Variants in RUSC1 observed in about 807,000 individuals in gnomAD.
The protein encoded by RUSC1 is RUN and SH3 domain containing 1.
A neutral mutation model predicts 72.1 loss-of-function variants in RUSC1; 40 were observed. That is an observed-to-expected ratio of 0.55 (90% confidence interval 0.43 to 0.72). RUSC1 has a LOEUF of 0.72. Among genes scored for constraint, RUSC1 ranks in the 30% least tolerant of loss-of-function variants. The pLI is 0.00. For missense variants in RUSC1, 1,092 were observed against 1,172.3 expected (o/e 0.93, Z 1.00); for synonymous variants, 512 against 494.2 (o/e 1.04, Z -0.48).
In RUSC1 at chr1:155,322,675, G is replaced by GCCA; in HGVS notation, c.902_903insCCA (p.Ser301_Asp302insHis). 6.2e-7 allele frequency: 1 copy of GCCA among 1,614,270 alleles called. No individual in the cohort carries two copies. Among genetic ancestry groups the GCCA allele is most frequent in the Non-Finnish European group, 8.5e-7 (1 of 1,180,040 alleles). On this transcript the variant is annotated inframe_insertion, in exon 2 of 10. Coordinates refer to ENST00000368352, the MANE Select transcript of RUSC1 (RefSeq NM_001105203.2). The stretch of plus-strand genomic sequence containing the variant: ...GGGAAAATTGATGGAGGATGGAGAA[G>GCCA]TGACGTCAGCGAGGAGCCGGTGCCC...
At chr1:155,323,649 C>G (rs913209755) in intron 2 of RUSC1, 1 of 152,920 alleles carries the variant, frequency 6.5e-6, no homozygotes, top group Non-Finnish European at 1.5e-5. Flanking sequence ...GCCTGGCCAG[C>G]CCCGAGCTGG....
rs889624500 is a variant in RUSC1 at position 155,325,042 on chromosome 1, T to A, written c.1457-60T>A. 14 of 1,613,780 alleles carry A rather than the reference T, an allele frequency of 8.7e-6. No individual in the cohort carries two copies. Among genetic ancestry groups the A allele is most frequent in the African/African-American group, 4.0e-5 (3 of 74,856 alleles). On this transcript the variant is annotated intron_variant, in intron 3 of 9. Transcript: ENST00000368352. This position sits in a 1 kb window ranked among gnomAD's most constrained non-coding sequence, Gnocchi z 6.5. ...TCCGAAGGCAGTCTCTCCACGCCCC[T>A]CGGGCAAGCCTGGGTAGGGGCGCGG...
chr1:155,326,692 T>C lies in RUSC1; in HGVS notation c.1974T>C (p.Thr658=). The change falls in exon 8 of 10, where the codon ACT becomes ACC. Residue 658 remains threonine (T), a synonymous_variant. Transcript: ENST00000368352. This position sits in a 1 kb window ranked among gnomAD's most constrained non-coding sequence, Gnocchi z 4.7. ...LLLLQPLSVL[T]FHLDLLFEHH... is the part of the protein sequence containing the mutation. ...TGCTGCAGCCATTGTCGGTGCTCACTTTCCACCTGGACCTGCTCTTTGAGC... is the reference window on the plus strand; with the variant it reads ...TGCTGCAGCCATTGTCGGTGCTCACCTTCCACCTGGACCTGCTCTTTGAGC... The C allele has an allele frequency of 6.2e-7, 1 of 1,613,714 alleles. No homozygotes were observed.
At position 155,322,278 on chromosome 1, in the gene RUSC1, G is replaced by A. The variant is rs951552536; in HGVS notation, c.505G>A (p.Gly169Arg). The A allele has an allele frequency of 5.0e-6, 8 of 1,611,756 alleles. No individual in the cohort carries two copies. The highest frequency in any genetic ancestry group is 1.6e-4 in the Middle Eastern group (1 of 6,080). Residue 169 changes from glycine to arginine, a missense_variant, in exon 2 of 10, where the codon GGA becomes AGA. Coordinates refer to ENST00000368352, the MANE Select transcript of RUSC1 (RefSeq NM_001105203.2). The part of the protein sequence containing the change: ...SFCCSPDSCS[G>R]ASSSPDPGLD... The stretch of plus-strand genomic sequence containing the variant: ...CTGCTGCTCTCCTGATTCCTGCTCC[G>A]GAGCTTCTTCTTCACCCGATCCTGG...
At chr1:155,328,661 A>G (rs1651680545) in intron 9 of RUSC1, among the ~76,000 whole-genome samples, 1 of 151,762 alleles carries the variant, frequency 6.6e-6, no homozygotes, top group South Asian at 2.1e-4. Flanking sequence ...GTACAGTGGC[A>G]TGATCTCGGC....
intron 2 of RUSC1, chr1:155,324,439 G>C: frequency 6.2e-7 from 1 of 1,612,972 alleles, no homozygotes; most frequent in South Asian, 1.1e-5. Flanking sequence ...GTGCTCCCCG[G>C]GGCTCCGCAG....
Position 155,325,014 on chromosome 1 carries a change from C to T in RUSC1, c.1456+71C>T, listed in dbSNP as rs1651163336. The T allele has an allele frequency of 6.2e-7, 1 of 1,613,544 alleles. No individual in the cohort carries two copies. The highest frequency in any genetic ancestry group is 1.3e-5 in the African/African-American group (1 of 74,930). On this transcript the variant is annotated intron_variant, in intron 3 of 9. Transcript: ENST00000368352. The surrounding 1 kb of genome is among the most constrained non-coding windows in gnomAD (Gnocchi z 6.5). Reference sequence around the variant, plus strand: ...CTTCGCCCCCGGCCCTGCTCTCAGGCTGTCCGAAGGCAGTCTCTCCACGCC... The same window carrying T: ...CTTCGCCCCCGGCCCTGCTCTCAGGTTGTCCGAAGGCAGTCTCTCCACGCC...
Position 155,330,700 on chromosome 1 carries a change from A to C in RUSC1, c.*129A>C. On this transcript the variant is annotated 3_prime_UTR_variant, in exon 10 of 10. Transcript: ENST00000368352. The stretch of plus-strand genomic sequence containing the variant: ...TCTTCCCACGTCTGTTTCTGCTAAT[A>C]TTTAAAATAAACTTTCCTTCTTCCC... 1.1e-6 allele frequency: 1 copy of C among 916,254 alleles called. No homozygotes were observed. The highest frequency in any genetic ancestry group is 1.7e-5 in the African/African-American group (1 of 58,630). 56.8% of individuals were successfully genotyped at this position (916,254 alleles called of 1,614,324 possible). A position where few individuals can be genotyped will look rare whatever the true frequency, so the allele number is the denominator to read the frequency against.
Position 155,325,618 on chromosome 1 carries a change from C to A in RUSC1, c.1760C>A (p.Ala587Asp), listed in dbSNP as rs1255939805. The A allele has an allele frequency of 6.2e-7, 1 of 1,613,136 alleles. No individual in the cohort carries two copies. Among genetic ancestry groups the A allele is most frequent in the Non-Finnish European group, 8.5e-7 (1 of 1,179,998 alleles). ...GTLYSQVSRL[A>D]PLSSSRSRFH... Reference sequence around the variant, plus strand: ...CTGTATAGCCAGGTCAGCCGTCTAGCCCCGCTGAGCAGCAGCCGTAGCCGC... The same window carrying A: ...CTGTATAGCCAGGTCAGCCGTCTAGACCCGCTGAGCAGCAGCCGTAGCCGC... The change falls in exon 6 of 10, where the codon GCC becomes GAC. Residue 587 changes from alanine (A) to aspartate (D), a missense_variant. Physicochemically the swap from Ala to Asp is moderately radical, Grantham distance 126. Transcript: ENST00000368352. This position sits in a 1 kb window ranked among gnomAD's most constrained non-coding sequence, Gnocchi z 6.5.
chr1:155,321,647 C>A, intron 1 of RUSC1, 41 bp from the exon 2 acceptor site: 1 of 1,363,080 alleles, frequency 7.3e-7, no homozygotes, highest in Non-Finnish European at 1.0e-6. Context: ...CCCCGCAGCT[C>A]TTGTCCTCAC....
chr1:155,330,643 C>A lies in RUSC1; in HGVS notation c.*72C>A. ...AATGGAATGGCCAGTGAACACCATC[C>A]CAGAAGCATTTTCCCTCTGCAAAAT... On this transcript the variant is annotated 3_prime_UTR_variant, in exon 10 of 10. Coordinates refer to ENST00000368352, the MANE Select transcript of RUSC1 (RefSeq NM_001105203.2). 2 of 1,392,754 alleles carry A rather than the reference C, an allele frequency of 1.4e-6. No homozygotes were observed. The highest frequency in any genetic ancestry group is 1.9e-6 in the Non-Finnish European group (2 of 1,039,314). 86.3% of individuals were successfully genotyped at this position (1,392,754 alleles called of 1,614,324 possible). A position where few individuals can be genotyped will look rare whatever the true frequency, so the allele number is the denominator to read the frequency against.
At chr1:155,321,235 G>GCC in intron 1 of RUSC1, 1 of 1,359,180 alleles carries the variant, frequency 7.4e-7, no homozygotes, top group Non-Finnish European at 9.8e-7. Flanking sequence ...TTCCTCTCCA[G>GCC]CCCCCACCCC....
intron 1 of RUSC1, chr1:155,321,322 G>A: frequency 7.3e-7 from 1 of 1,371,928 alleles, no homozygotes; most frequent in Non-Finnish European, 9.7e-7. Flanking sequence ...ATCTGGGTGG[G>A]TCTCCCTGGG....
chr1:155,324,422 C>A, intron 2 of RUSC1: 1 of 1,613,168 alleles, frequency 6.2e-7, no homozygotes, highest in South Asian at 1.1e-5. Context: ...TGGTCCATGC[C>A]GCCCACGTGC....
At chr1:155,324,400 C>G in intron 2 of RUSC1, 1 of 1,613,122 alleles carries the variant, frequency 6.2e-7, no homozygotes, top group Non-Finnish European at 8.5e-7. Flanking sequence ...TTTCCCCTGT[C>G]TGTCTTTCCA....
In RUSC1 at chr1:155,330,545, G is replaced by C; in HGVS notation, c.2683G>C (p.Val895Leu). 1 of 1,610,506 alleles carries C rather than the reference G, an allele frequency of 6.2e-7. No individual in the cohort carries two copies. Among genetic ancestry groups the C allele is most frequent in the Non-Finnish European group, 8.5e-7 (1 of 1,178,086 alleles). ...GGATGGCATGGAGGGTCTGGTGCCT[G>C]TGGGGTATACCTCCCTTGTTCTGTA... ...GRDGMEGLVP[V>L]GYTSLVL is the part of the protein sequence containing the mutation. Residue 895 changes from valine (V) to leucine (L), a missense_variant, in exon 10 of 10, where the codon GTG (valine) becomes CTG (leucine). Val to Leu is a conservative substitution (Grantham distance 32). Transcript: ENST00000368352.
intron 1 of RUSC1, 132 bp from the exon 2 acceptor site, chr1:155,321,556 A>T: frequency 1.5e-6 from 2 of 1,329,470 alleles, no homozygotes; most frequent in Non-Finnish European, 2.1e-6. Flanking sequence ...GTCGATTGCG[A>T]TTTGCATCTC....
At position 155,321,994 on chromosome 1, in the gene RUSC1, G is replaced by T. The variant is rs200369633; in HGVS notation, c.221G>T (p.Cys74Phe). 1.4e-5 allele frequency: 23 copies of T among 1,600,526 alleles called. No homozygotes were observed. In the Admixed American group the frequency reaches 2.5e-4, roughly 18 times the overall value. ...SNSPAVPCRC[C>F]QEHGPGLENR... ...AGCCCAGCTGTGCCCTGCCGGTGCTGCCAGGAGCACGGTCCGGGCCTAGAA... is the reference window on the plus strand; with the variant it reads ...AGCCCAGCTGTGCCCTGCCGGTGCTTCCAGGAGCACGGTCCGGGCCTAGAA... The change falls in exon 2 of 10, where the codon TGC becomes TTC. Residue 74 changes from cysteine to phenylalanine, a missense_variant. Coordinates refer to ENST00000368352, the MANE Select transcript of RUSC1 (RefSeq NM_001105203.2).
chr1:155,326,432 C>CTAT lies in RUSC1; in HGVS notation c.1862-147_1862-145dup. The CTAT allele has an allele frequency of 1.3e-6, 1 of 785,684 alleles. No homozygotes were observed. Among genetic ancestry groups the CTAT allele is most frequent in the Non-Finnish European group, 2.0e-6 (1 of 504,150 alleles). The allele number at this position is 785,684 out of a possible 1,614,324, so 48.7% of individuals were successfully genotyped here. Reference sequence around the variant, plus strand: ...TTCCATGCAGGCGGGGATGTCAGTCCTATAGCCCACCACATCCTTCCTCCT... The same window carrying CTAT: ...TTCCATGCAGGCGGGGATGTCAGTCCTATTATAGCCCACCACATCCTTCCTCCT... On this transcript the variant is annotated intron_variant, in intron 7 of 9. Coordinates refer to ENST00000368352, the MANE Select transcript of RUSC1 (RefSeq NM_001105203.2). The surrounding 1 kb of genome is among the most constrained non-coding windows in gnomAD (Gnocchi z 4.7).
Sources: allele counts gnomAD v4.1 joint callset (sites outside exome capture counted in the v4.1 genomes callset), GRCh38; gene constraint gnomAD v4.1.1; non-coding constraint Gnocchi (gnomAD v3.1); transcripts MANE v1.5; gene names NCBI Gene and HGNC (gene_info 2026-07-23, HGNC 2026-07-21).